The following HPSE2 variants were observed in gnomAD, a reference collection of about 807,000 sequenced individuals.
The protein encoded by HPSE2 is inactive heparanase-2.
In HPSE2, 38 loss-of-function variants were observed where a neutral mutation model predicts 60.5. The observed-to-expected ratio is 0.63, with a 90% CI of 0.48 to 0.82. The LOEUF is 0.82. HPSE2 is among the 40% of genes least tolerant of loss of function. The pLI is 0.00. For synonymous variants in HPSE2, 295 were observed against 293.2 expected, an observed-to-expected ratio of 1.01 and a Z score of -0.06; for missense variants, 713 against 740.4, an observed-to-expected ratio of 0.96 and a Z score of 0.43.
At chr10:99,314,781 G>A in the HPSE2 span, among the ~76,000 whole-genome samples, 72 of 152,222 alleles carry the variant, frequency 4.7e-4, no homozygotes, top group African/African-American at 1.7e-3. Flanking sequence ...TAAATAAGTA[G>A]ATAGGAAAAG....
intron 3 of HPSE2, among the ~76,000 whole-genome samples, chr10:99,021,361 A>C (rs1564743190): frequency 6.6e-6 from 1 of 152,202 alleles, no homozygotes; most frequent in African/African-American, 2.4e-5. Context: ...GATGAGAAAA[A>C]AAGAGATCAG....
chr10:98,976,572 T>A (rs1010001520), intron 3 of HPSE2, among the ~76,000 whole-genome samples: 2 of 152,140 alleles, frequency 1.3e-5, no homozygotes, highest in African/African-American at 4.8e-5. Flanking sequence ...ATATTCAGAA[T>A]TTAATATACT....
At chr10:98,952,634 C>T (rs1024891685) in intron 3 of HPSE2, among the ~76,000 whole-genome samples, 1 of 152,042 alleles carries the variant, frequency 6.6e-6, no homozygotes, top group African/African-American at 2.4e-5. Context: ...TAACAAAATA[C>T]CATATAATAA....
At chr10:99,058,426 C>T (rs1050759052) in intron 3 of HPSE2, among the ~76,000 whole-genome samples, 3 of 152,190 alleles carry the variant, frequency 2.0e-5, no homozygotes, top group African/African-American at 7.2e-5. Context: ...AGTCTCACCC[C>T]TAAACGTTTC....
intron 3 of HPSE2, among the ~76,000 whole-genome samples, chr10:99,124,239 G>A (rs1001770349): frequency 5.9e-5 from 9 of 152,196 alleles, no homozygotes; most frequent in Non-Finnish European, 8.8e-5. Context: ...TACGGGCTTA[G>A]AAGGGAGAAA....
intron 3 of HPSE2, among the ~76,000 whole-genome samples, chr10:98,982,230 GA>G (rs1956224050): frequency 6.6e-6 from 1 of 152,040 alleles, no homozygotes; most frequent in Non-Finnish European, 1.5e-5. Flanking sequence ...AACTGCTATG[GA>G]ATTTACCCAA....
At chr10:98,563,456 C>A (rs959499374) in intron 9 of HPSE2, among the ~76,000 whole-genome samples, 2 of 152,056 alleles carry the variant, frequency 1.3e-5, no homozygotes, top group East Asian at 3.9e-4. Flanking sequence ...TATGAGGTTT[C>A]TTCTTGGGTA....
At chr10:99,144,479 C>G (rs559137104) in intron 2 of HPSE2, 80 bp from the exon 3 acceptor site, 2 of 1,515,546 alleles carry the variant, frequency 1.3e-6, no homozygotes, top group South Asian at 2.3e-5. Context: ...TCTTGTTTCA[C>G]CCAAAATGAC....
chr10:98,895,920 C>T (rs1953475864), intron 3 of HPSE2, among the ~76,000 whole-genome samples: 1 of 115,286 alleles, frequency 8.7e-6, no homozygotes, highest in Non-Finnish European at 1.7e-5. Flanking sequence ...GAACATCACA[C>T]TCTGGGGACT....
chr10:99,244,296 C>T, the HPSE2 span, among the ~76,000 whole-genome samples: 4 of 151,890 alleles, frequency 2.6e-5, no homozygotes, highest in Non-Finnish European at 2.9e-5. Flanking sequence ...GGATTACAAG[C>T]GTGAGCCACC....
chr10:98,485,788 A>C (rs1941418215), intron 10 of HPSE2, among the ~76,000 whole-genome samples: 1 of 151,940 alleles, frequency 6.6e-6, no homozygotes, highest in African/African-American at 2.4e-5. Context: ...ATCAAACAAC[A>C]CTCTCAAAGG....
At chr10:98,840,485 C>T (rs1345993930) in intron 3 of HPSE2, among the ~76,000 whole-genome samples, 2 of 152,070 alleles carry the variant, frequency 1.3e-5, no homozygotes, top group Non-Finnish European at 2.9e-5. Context: ...TTCAATATTG[C>T]AGAAGAGAGA....
intron 11 of HPSE2, among the ~76,000 whole-genome samples, chr10:98,472,776 A>C (rs1323104214): frequency 1.3e-5 from 2 of 152,202 alleles, no homozygotes; most frequent in Non-Finnish European, 2.9e-5. Context: ...AAAGGTAAAC[A>C]TATTTAACTA....
rs1941296697 is a variant in HPSE2 at position 98,482,876 on chromosome 10, G to C, written c.1467-94C>G. 4 of 1,379,550 alleles carry C rather than the reference G, an allele frequency of 2.9e-6. No individual in the cohort carries two copies. In the East Asian group the frequency reaches 9.5e-5, roughly 33 times the overall value. The allele number at this position is 1,379,550 out of a possible 1,614,324, so 85.5% of individuals were successfully genotyped here. ...TTATAGACTGTACAAAATATGAACA[G>C]CCCTGAAAATGGCACTTAAAAACTT... is the stretch of plus-strand genomic sequence containing the variant. On this transcript the variant is annotated intron_variant, in intron 10 of 11. Transcript: ENST00000370552.
intron 2 of HPSE2, among the ~76,000 whole-genome samples, chr10:99,173,341 G>A (rs998288237): frequency 6.6e-6 from 1 of 152,148 alleles, no homozygotes; most frequent in Non-Finnish European, 1.5e-5. Context: ...GGTAAGAAAG[G>A]TTAATATAGA....
the HPSE2 span, among the ~76,000 whole-genome samples, chr10:99,298,001 T>C: frequency 1.3e-5 from 2 of 152,218 alleles, no homozygotes; most frequent in African/African-American, 4.8e-5. Context: ...TGCTGTCTTA[T>C]AACTGCTTTG....
chr10:99,182,765 A>AG (rs1240655484), intron 2 of HPSE2, among the ~76,000 whole-genome samples: 1 of 152,090 alleles, frequency 6.6e-6, no homozygotes, highest in East Asian at 1.9e-4. Context: ...TGGGAGGCTG[A>AG]GGGGGCAGAT....
At chr10:99,165,659 G>C (rs894486088) in intron 2 of HPSE2, among the ~76,000 whole-genome samples, 6 of 152,130 alleles carry the variant, frequency 3.9e-5, no homozygotes, top group African/African-American at 1.4e-4. Context: ...TGATTCTCCT[G>C]CCTCAGCTTC....
Position 98,756,016 on chromosome 10 carries a change from A to C in HPSE2, c.611-11960T>G, listed in dbSNP as rs1376350987. On this transcript the variant is annotated intron_variant, in intron 3 of 11. Transcript: ENST00000370552. The stretch of plus-strand genomic sequence containing the variant: ...TCTCAAAAAAACAAAAAACAAACAA[A>C]AAAGATCTCTCAAAACCATATAATT... Among the ~76,000 whole-genome samples, 3 of 152,248 alleles carry C rather than the reference A, an allele frequency of 2.0e-5. No homozygotes were observed. In the East Asian group the frequency reaches 5.8e-4, roughly 29 times the overall value.
Sources: gnomAD v4.1 joint callset for allele counts (sites outside exome capture counted in the v4.1 genomes callset) on GRCh38, gnomAD v4.1.1 for gene constraint, MANE v1.5 for transcripts, NCBI Gene and HGNC (gene_info 2026-07-23, HGNC 2026-07-21) for gene names.